The following MSN variants were observed in gnomAD, a reference collection of about 807,000 sequenced individuals.
MSN encodes the protein moesin.
MSN carries 2 observed loss-of-function variants against 48.0 expected under a neutral mutation model. The ratio of observed to expected loss-of-function variants is 0.04; its 90% CI spans 0.02 to 0.13. MSN has a LOEUF of 0.13. Ranked by LOEUF, MSN falls within the 10% of genes least tolerant of loss-of-function variation. The pLI, the probability that MSN is intolerant of heterozygous loss-of-function variation, is 1.00. For synonymous variants in MSN, 146 were observed against 166.9 expected (o/e 0.87, Z 0.97); for missense variants, 267 against 470.1 (o/e 0.57, Z 3.99).
intron 1 of MSN, among the ~76,000 whole-genome samples, chrX:65,601,481 AC>A (rs1569452849): frequency 8.9e-6 from 1 of 112,369 alleles, no homozygotes; most frequent in African/African-American, 3.2e-5. Context: ...TCATTCTCTG[AC>A]CCAAAAGCCA....
At chrX:65,652,705 G>T (rs2070751238) in intron 1 of MSN, among the ~76,000 whole-genome samples, 2 of 111,893 alleles carry the variant, frequency 1.8e-5, no homozygotes, top group Non-Finnish European at 3.8e-5. Context: ...TTGCTCTTGA[G>T]TCTGGAGACC....
intron 2 of MSN, among the ~76,000 whole-genome samples, chrX:65,721,381 A>C (rs774990163): frequency 1.6e-3 from 174 of 112,157 alleles, no homozygotes; most frequent in African/African-American, 5.4e-3. Context: ...TTTAATCCTC[A>C]AATAAGTAAA....
At chrX:65,690,764 C>T (rs944136213) in intron 1 of MSN, among the ~76,000 whole-genome samples, 4 of 111,404 alleles carry the variant, frequency 3.6e-5, no homozygotes, top group African/African-American at 1.3e-4. Flanking sequence ...ATGGCCTTTA[C>T]GCTTGATTAG....
intron 1 of MSN, among the ~76,000 whole-genome samples, chrX:65,608,669 G>C (rs950103379): frequency 5.4e-5 from 6 of 111,045 alleles, no homozygotes; most frequent in African/African-American, 2.0e-4. Flanking sequence ...ATTGAGGTGA[G>C]GTGTTGGCAG....
At chrX:65,638,741 A>G (rs1185520506) in intron 1 of MSN, among the ~76,000 whole-genome samples, 1 of 111,656 alleles carries the variant, frequency 9.0e-6, no homozygotes. Context: ...TTTAGAAGAG[A>G]CAGCGTTTCA....
At chrX:65,648,654 C>T (rs888971489) in intron 1 of MSN, among the ~76,000 whole-genome samples, 6 of 111,224 alleles carry the variant, frequency 5.4e-5, no homozygotes, top group Admixed American at 4.8e-4. Context: ...GGGTGGATCA[C>T]GAGGTCAGAA....
intron 1 of MSN, among the ~76,000 whole-genome samples, chrX:65,642,670 C>T (rs1274135552): frequency 9.0e-6 from 1 of 111,674 alleles, no homozygotes; most frequent in Non-Finnish European, 1.9e-5. Flanking sequence ...CTCTTTGAAT[C>T]CCTAGCTCTC....
At chrX:65,630,166 G>A (rs1282183890) in intron 1 of MSN, among the ~76,000 whole-genome samples, 5 of 108,852 alleles carry the variant, frequency 4.6e-5, no homozygotes, top group African/African-American at 6.7e-5. Context: ...GTGACAGAGC[G>A]AGCCTTTGAC....
At chrX:65,651,983 G>A (rs1395327595) in intron 1 of MSN, among the ~76,000 whole-genome samples, 1 of 106,782 alleles carries the variant, frequency 9.4e-6, no homozygotes, top group African/African-American at 3.4e-5. Context: ...AGGCATGGTG[G>A]CTCACGCCTG....
intron 3 of MSN, among the ~76,000 whole-genome samples, chrX:65,728,736 C>T (rs1176628563): frequency 8.9e-6 from 1 of 111,781 alleles, no homozygotes; most frequent in Non-Finnish European, 1.9e-5. Context: ...TGATCTTTTA[C>T]CTCAGTTGGA....
chrX:65,672,415 T>C (rs2070951100), intron 1 of MSN, among the ~76,000 whole-genome samples: 1 of 112,117 alleles, frequency 8.9e-6, no homozygotes, highest in South Asian at 3.7e-4. Context: ...TCCTTTGGGA[T>C]AGTCTGTTGG....
chrX:65,683,937 T>TTTC (rs2071084416), intron 1 of MSN, among the ~76,000 whole-genome samples: 1 of 101,359 alleles, frequency 9.9e-6, no homozygotes, highest in Non-Finnish European at 2.1e-5. Flanking sequence ...TCTTTCTTTC[T>TTTC]TTTTCTTTTT....
At chrX:65,589,978 G>A (rs1231584345) in intron 1 of MSN, among the ~76,000 whole-genome samples, 1 of 109,598 alleles carries the variant, frequency 9.1e-6, no homozygotes, top group Non-Finnish European at 1.9e-5. Flanking sequence ...CGATTCTCCT[G>A]CCTCAGCCTC....
rs1403580207 is a variant in MSN, at chrX:65,733,651, C to T, written c.795+371C>T. On this transcript the variant is annotated intron_variant, in intron 7 of 12. Transcript: ENST00000360270. ...TGGGTCCCAGAAAGTGGACACTGTTCACATATTTGATTCCTTCCTTCCTTC... is the reference window on the plus strand; with the variant it reads ...TGGGTCCCAGAAAGTGGACACTGTTTACATATTTGATTCCTTCCTTCCTTC... 2.7e-5 allele frequency among the ~76,000 whole-genome samples: 3 copies of T among 111,841 alleles called. No homozygotes were observed. In the Admixed American group the frequency reaches 2.8e-4, roughly 11 times the overall value.
intron 1 of MSN, among the ~76,000 whole-genome samples, chrX:65,670,045 G>C (rs1360722074): frequency 9.0e-6 from 1 of 111,131 alleles, no homozygotes; most frequent in Non-Finnish European, 1.9e-5. Context: ...AGACCTTTAT[G>C]GTCCTCAGAT....
chrX:65,701,531 G>A (rs1195838504), intron 1 of MSN, among the ~76,000 whole-genome samples: 3 of 112,027 alleles, frequency 2.7e-5, no homozygotes, highest in African/African-American at 9.7e-5. Context: ...AATCACCTGA[G>A]GCATTTGTTA....
At position 65,735,437 on chromosome X, in the gene MSN, G is replaced by A. The variant is rs1319580235; in HGVS notation, c.959+7G>A. On this transcript the variant is annotated splice_region_variant and intron_variant, in intron 8 of 12. Transcript: ENST00000360270. ...ACCAGAAGCAGATGGAGCGGTAGGT[G>A]CTGCACACTGATGTGGGGGGCCAGG... 1.7e-6 allele frequency: 2 copies of A among 1,194,910 alleles called. No individual in the cohort carries two copies. Among genetic ancestry groups the A allele is most frequent in the Non-Finnish European group, 2.3e-6 (2 of 884,979 alleles).
At chrX:65,649,742 G>C (rs1224777369) in intron 1 of MSN, among the ~76,000 whole-genome samples, 4 of 107,377 alleles carry the variant, frequency 3.7e-5, no homozygotes, top group African/African-American at 1.4e-4. Context: ...TGGCTATGTG[G>C]CCTTGAGCTG....
chrX:65,654,287 T>A (rs1008112753), intron 1 of MSN, among the ~76,000 whole-genome samples: 22 of 107,641 alleles, frequency 2.0e-4, no homozygotes, highest in South Asian at 1.6e-3. Flanking sequence ...TTATTTATTT[T>A]TTTTTTGTAT....
Sources: allele counts gnomAD v4.1 joint callset (sites outside exome capture counted in the v4.1 genomes callset), GRCh38; gene constraint gnomAD v4.1.1; transcripts MANE v1.5; gene names NCBI Gene and HGNC (gene_info 2026-07-23, HGNC 2026-07-21).